Variants in DLC1 observed in about 807,000 individuals in gnomAD.
The protein encoded by DLC1 is DLC1 Rho GTPase activating protein.
DLC1 carries 54 observed loss-of-function variants against 140.3 expected under a neutral mutation model. The observed-to-expected ratio is 0.38, with a 90% CI of 0.31 to 0.48. The LOEUF is 0.48. DLC1 is among the 20% of genes least tolerant of loss of function. The pLI, the probability that DLC1 is intolerant of heterozygous loss-of-function variation, is 0.96. For missense variants in DLC1, 2,536 were observed against 1,907.0 expected, an observed-to-expected ratio of 1.33 and a Z score of -6.14; for synonymous variants, 986 against 728.1, an observed-to-expected ratio of 1.35 and a Z score of -5.70.
chr8:13,375,707 A>G (rs959866590), intron 4 of DLC1, among the ~76,000 whole-genome samples: 8 of 146,648 alleles, frequency 5.5e-5, no homozygotes, highest in Non-Finnish European at 1.0e-4. Flanking sequence ...AATATTTTCA[A>G]TGATGACTGT....
chr8:13,559,139 T>C (rs1804156087), intron 1 of DLC1: 1 of 152,224 alleles, frequency 6.6e-6, no homozygotes, highest in Non-Finnish European at 1.5e-5. Flanking sequence ...GGGCTTCAAG[T>C]AAGAGTTCTG....
At chr8:13,178,504 A>G (rs559875904) in intron 5 of DLC1, among the ~76,000 whole-genome samples, 2 of 151,436 alleles carry the variant, frequency 1.3e-5, no homozygotes, top group South Asian at 2.1e-4. Context: ...CCCGGGAGGC[A>G]GAGCTTGCAA....
At chr8:13,281,516 G>A (rs1407312478) in intron 5 of DLC1, among the ~76,000 whole-genome samples, 3 of 152,086 alleles carry the variant, frequency 2.0e-5, no homozygotes, top group African/African-American at 4.8e-5. Context: ...TTTGTATAAT[G>A]TACAAAGCAC....
At chr8:13,216,185 A>G (rs1466633198) in intron 5 of DLC1, among the ~76,000 whole-genome samples, 2 of 152,180 alleles carry the variant, frequency 1.3e-5, no homozygotes, top group South Asian at 2.1e-4. Context: ...AAACACAACA[A>G]TAAAGTCAAC....
At chr8:13,489,448 C>CACACACACACACACAA (rs879327958) in intron 2 of DLC1, among the ~76,000 whole-genome samples, 1 of 147,794 alleles carries the variant, frequency 6.8e-6, no homozygotes, top group Admixed American at 7.0e-5. Flanking sequence ...CACACACACA[C>CACACACACACACACAA]AAAATGTTGC....
intron 7 of DLC1, among the ~76,000 whole-genome samples, chr8:13,103,077 T>G (rs111464878): frequency 0.021 from 3,128 of 151,330 alleles, 90 homozygotes; most frequent in African/African-American, 0.067. Context: ...TTGGGAGGCC[T>G]AGGCGGGTGG....
chr8:13,491,025 T>C (rs1030067031), intron 2 of DLC1, among the ~76,000 whole-genome samples: 1 of 147,860 alleles, frequency 6.8e-6, no homozygotes, highest in Non-Finnish European at 1.5e-5. Flanking sequence ...TCAGAATATA[T>C]ATATATATAA....
Position 13,534,830 on chromosome 8 carries a change from C to T in DLC1, c.-125-34634G>A, listed in dbSNP as rs146691668. On this transcript the variant is annotated intron_variant, in intron 1 of 1. Coordinates refer to the DLC1 transcript ENST00000631382. ...ACATTTTTTAAAAGTTTTACTCTTGCACCACTTCATGAGTCTTTGAGGAAT... is the reference window on the plus strand; with the variant it reads ...ACATTTTTTAAAAGTTTTACTCTTGTACCACTTCATGAGTCTTTGAGGAAT... Among the ~76,000 whole-genome samples the T allele has an allele frequency of 4.1e-3, 624 of 152,260 alleles. 3 individuals are homozygous for T. Among genetic ancestry groups the T allele is most frequent in the African/African-American group, 0.014 (599 of 41,562 alleles).
chr8:13,173,825 AT>A (rs1222898965), intron 5 of DLC1, among the ~76,000 whole-genome samples: 1 of 152,240 alleles, frequency 6.6e-6, no homozygotes, highest in Non-Finnish European at 1.5e-5. Flanking sequence ...TATCTACCAA[AT>A]ATTAAATCAT....
chr8:13,567,679 A>G (rs1013508825), intron 1 of DLC1: 24 of 1,551,850 alleles, frequency 1.5e-5, no homozygotes, highest in Non-Finnish European at 2.6e-6. Flanking sequence ...ACTCCAAGAG[A>G]GAATAGATGA....
chr8:13,459,677 A>G (rs1476169259), intron 2 of DLC1, among the ~76,000 whole-genome samples: 2 of 152,146 alleles, frequency 1.3e-5, no homozygotes, highest in African/African-American at 4.8e-5. Context: ...CTTCTCCCGC[A>G]CAGCCAAGTT....
chr8:13,566,618 C>G (rs1467252322), intron 1 of DLC1, among the ~76,000 whole-genome samples: 1 of 152,214 alleles, frequency 6.6e-6, no homozygotes, highest in Admixed American at 6.5e-5. Context: ...CTCTATTGGT[C>G]TCACACACGT....
At chr8:13,138,271 T>C (rs183789119) in intron 5 of DLC1, among the ~76,000 whole-genome samples, 2 of 152,326 alleles carry the variant, frequency 1.3e-5, no homozygotes, top group East Asian at 1.9e-4. Context: ...TAGTGGCTTG[T>C]TGACCTGTCT....
At position 13,229,214 on chromosome 8, in the gene DLC1, G is replaced by A. The variant is rs138371585; in HGVS notation, c.1348+76055C>T. Among the ~76,000 whole-genome samples, 797 of 152,292 alleles carry A rather than the reference G, an allele frequency of 5.2e-3. 2 individuals are homozygous for A. Among genetic ancestry groups the A allele is most frequent in the Non-Finnish European group, 7.4e-3 (502 of 68,038 alleles). On this transcript the variant is annotated intron_variant, in intron 5 of 17. Coordinates refer to ENST00000276297, the MANE Select transcript of DLC1 (RefSeq NM_182643.3). The stretch of plus-strand genomic sequence containing the variant: ...CAACTGGACATTTGGATAAATGGAT[G>A]AAGTGTGGTATATACACACAGCAGA...
chr8:13,456,886 C>T (rs959636069), intron 2 of DLC1, among the ~76,000 whole-genome samples: 2 of 152,144 alleles, frequency 1.3e-5, no homozygotes, highest in African/African-American at 4.8e-5. Context: ...ACTGGTGCAG[C>T]TGTATATCAA....
intron 5 of DLC1, among the ~76,000 whole-genome samples, chr8:13,257,194 CCGGGA>C (rs1830266566): frequency 6.6e-6 from 1 of 151,086 alleles, no homozygotes; most frequent in Non-Finnish European, 1.5e-5. Context: ...CACACAGTTC[CCGGGA>C]CTACATATGC....
Position 13,150,412 on chromosome 8 carries a change from C to G in DLC1, c.1349-34755G>C, listed in dbSNP as rs570957464. 1.2e-3 allele frequency among the ~76,000 whole-genome samples: 179 copies of G among 150,288 alleles called. 1 individual carries two copies. Among genetic ancestry groups the G allele is most frequent in the Non-Finnish European group, 1.1e-3 (72 of 67,522 alleles). ...GGTTTCATTGTCTCTCTTTTTTTTTCTTTGTCGCCAATACTGTAATTACTC... is the reference window on the plus strand; with the variant it reads ...GGTTTCATTGTCTCTCTTTTTTTTTGTTTGTCGCCAATACTGTAATTACTC... On this transcript the variant is annotated intron_variant, in intron 5 of 17. Transcript: ENST00000276297.
chr8:13,109,286 G>C (rs1819859328), intron 7 of DLC1, among the ~76,000 whole-genome samples: 1 of 152,118 alleles, frequency 6.6e-6, no homozygotes, highest in East Asian at 1.9e-4. Context: ...GATGGGGTGT[G>C]GTGGCTCACT....
intron 5 of DLC1, among the ~76,000 whole-genome samples, chr8:13,119,269 G>T (rs1820835806): frequency 6.6e-6 from 1 of 151,522 alleles, no homozygotes; most frequent in African/African-American, 2.4e-5. Flanking sequence ...ACCCTGGCAA[G>T]GTTTTCAAGG....
Sources: gnomAD v4.1 joint callset for allele counts (sites outside exome capture counted in the v4.1 genomes callset) on GRCh38, gnomAD v4.1.1 for gene constraint, MANE v1.5 for transcripts, NCBI Gene and HGNC (gene_info 2026-07-23, HGNC 2026-07-21) for gene names.